Variants in PRIMPOL observed in about 807,000 individuals in gnomAD.
PRIMPOL encodes DNA-directed primase/polymerase protein.
A neutral mutation model predicts 63.6 loss-of-function variants in PRIMPOL; 54 were observed. That is an observed-to-expected ratio of 0.85 (90% CI 0.68 to 1.07). The LOEUF is 1.07. Among genes scored for constraint, PRIMPOL ranks in the 50% least tolerant of loss-of-function variants. The pLI is 0.00. For missense variants in PRIMPOL, 610 were observed against 648.3 expected (o/e 0.94, Z 0.64); for synonymous variants, 197 against 220.2 (o/e 0.89, Z 0.93).
chr4:184,665,087 G>A (rs1331282982), intron 5 of PRIMPOL, among the ~76,000 whole-genome samples: 1 of 152,200 alleles, frequency 6.6e-6, no homozygotes, highest in Non-Finnish European at 1.5e-5. Context: ...ATATTGCATG[G>A]TAGTTCTTAG....
chr4:184,671,283 C>T (rs1254325409), intron 6 of PRIMPOL, among the ~76,000 whole-genome samples: 3 of 152,108 alleles, frequency 2.0e-5, no homozygotes, highest in African/African-American at 4.8e-5. Flanking sequence ...TAGGGGCTGA[C>T]GGCTGTGAGA....
At chr4:184,668,437 A>G (rs1234290625) in intron 6 of PRIMPOL, among the ~76,000 whole-genome samples, 2 of 152,212 alleles carry the variant, frequency 1.3e-5, no homozygotes, top group Non-Finnish European at 2.9e-5. Flanking sequence ...CTTCAGGCAA[A>G]AGCATGGATG....
At chr4:184,685,807 C>A in intron 11 of PRIMPOL, 123 bp downstream of exon 11, 3 of 495,154 alleles carry the variant, frequency 6.1e-6, no homozygotes, top group Non-Finnish European at 9.9e-6. Context: ...TATTAAATTT[C>A]TTTTTTTTTT....
intron 8 of PRIMPOL, among the ~76,000 whole-genome samples, chr4:184,679,926 G>C (rs908728847): frequency 6.6e-6 from 1 of 152,094 alleles, no homozygotes; most frequent in Non-Finnish European, 1.5e-5. Context: ...CCAGGAAACC[G>C]GTTCCTGGTG....
chr4:184,674,868 GCTGA>G (rs1752865615), intron 7 of PRIMPOL, among the ~76,000 whole-genome samples: 1 of 152,192 alleles, frequency 6.6e-6, no homozygotes, highest in African/African-American at 2.4e-5. Context: ...GACAACAGCA[GCTGA>G]AACCTCAGTC....
In PRIMPOL at chr4:184,687,241, T is replaced by C. The variant is rs1328535170; in HGVS notation, c.1295+1557T>C. ...GTGTACTACCATGCCCGGTTAATTT[T>C]TGTAATTTTAGTAGAGACGGAGTTT... is the stretch of plus-strand genomic sequence containing the variant. On this transcript the variant is annotated intron_variant, in intron 11 of 13. Coordinates refer to ENST00000314970, the MANE Select transcript of PRIMPOL (RefSeq NM_152683.4). 3.9e-5 allele frequency among the ~76,000 whole-genome samples: 6 copies of C among 152,136 alleles called. No homozygotes were observed. In the East Asian group the frequency reaches 1.2e-3, roughly 29 times the overall value.
Position 184,657,108 on chromosome 4 carries a change from G to C in PRIMPOL, c.-33G>C, listed in dbSNP as rs1244716792. ...AGTAATTGATAGAAATATTACGTGGGATAGGATTTATTCTCTCCACACTTC... is the reference window on the plus strand; with the variant it reads ...AGTAATTGATAGAAATATTACGTGGCATAGGATTTATTCTCTCCACACTTC... On this transcript the variant is annotated 5_prime_UTR_variant, in exon 3 of 14. Coordinates refer to ENST00000314970, the MANE Select transcript of PRIMPOL (RefSeq NM_152683.4). 8.3e-6 allele frequency: 12 copies of C among 1,447,636 alleles called. No homozygotes were observed. The highest frequency in any genetic ancestry group is 1.0e-5 in the Non-Finnish European group (11 of 1,086,360). The allele number at this position is 1,447,636 out of a possible 1,614,324, so 89.7% of individuals were successfully genotyped here. A position where few individuals can be genotyped will look rare whatever the true frequency, so the allele number is the denominator to read the frequency against.
intron 11 of PRIMPOL, among the ~76,000 whole-genome samples, chr4:184,687,578 A>G (rs563437030): frequency 6.6e-6 from 1 of 152,138 alleles, no homozygotes; most frequent in African/African-American, 2.4e-5. Flanking sequence ...TCTCCCATAT[A>G]CGTTCATATC....
At chr4:184,651,991 T>C (rs1579244944) in intron 1 of PRIMPOL, 32 bp from the exon 2 acceptor site, 1 of 152,296 alleles carries the variant, frequency 6.6e-6, no homozygotes, top group East Asian at 1.9e-4. Flanking sequence ...AGGCAGTGTC[T>C]TCTGGCTGAA....
chr4:184,666,483 G>A (rs1560979655), intron 6 of PRIMPOL, among the ~76,000 whole-genome samples: 1 of 152,126 alleles, frequency 6.6e-6, no homozygotes, highest in Non-Finnish European at 1.5e-5. Context: ...ATGGCAATGT[G>A]TTTCTTCATG....
intron 11 of PRIMPOL, 55 bp from the exon 12 acceptor site, chr4:184,691,441 ATTT>A (rs2150171894): frequency 9.8e-7 from 1 of 1,016,942 alleles, no homozygotes; most frequent in East Asian, 2.4e-5. Context: ...ATGCAGCTGG[ATTT>A]TGTTTTCTAC....
At position 184,657,833 on chromosome 4, in the gene PRIMPOL, T is replaced by TA. The variant is rs1452216054; in HGVS notation, c.180+516dup. ...ACATGGAGAAACCCTGTCTCTACTA[T>TA]AAATACAAAATTAGCCGGGTGTGGT... On this transcript the variant is annotated intron_variant, in intron 3 of 13. Coordinates refer to ENST00000314970, the MANE Select transcript of PRIMPOL (RefSeq NM_152683.4). 5.9e-5 allele frequency among the ~76,000 whole-genome samples: 9 copies of TA among 151,622 alleles called. No individual in the cohort carries two copies. The East Asian group carries it at 1.6e-3, about 26-fold the overall frequency.
chr4:184,656,553 T>C (rs1471954970), intron 2 of PRIMPOL, among the ~76,000 whole-genome samples: 1 of 152,032 alleles, frequency 6.6e-6, no homozygotes, highest in African/African-American at 2.4e-5. Context: ...CAACTAAAAG[T>C]TGTGTTGAGA....
chr4:184,685,224 A>G (rs904843000), intron 9 of PRIMPOL, among the ~76,000 whole-genome samples, 185 bp from the exon 10 acceptor site: 5 of 152,214 alleles, frequency 3.3e-5, no homozygotes, highest in African/African-American at 4.8e-5. Context: ...CATTTGACCT[A>G]ATTGAGAGGT....
intron 4 of PRIMPOL, 54 bp from the exon 5 acceptor site, chr4:184,661,720 C>A: frequency 2.5e-6 from 3 of 1,215,338 alleles, no homozygotes; most frequent in African/African-American, 1.5e-5. Flanking sequence ...GTCAATCAAT[C>A]AATCAATAAA....
At chr4:184,679,405 A>T (rs576997315) in intron 8 of PRIMPOL, among the ~76,000 whole-genome samples, 1 of 152,180 alleles carries the variant, frequency 6.6e-6, no homozygotes, top group African/African-American at 2.4e-5. Flanking sequence ...GCAGTGAGCT[A>T]TGAATGCACC....
At chr4:184,664,578 G>A (rs567076988) in intron 5 of PRIMPOL, among the ~76,000 whole-genome samples, 1 of 152,310 alleles carries the variant, frequency 6.6e-6, no homozygotes, top group South Asian at 2.1e-4. Context: ...ATTCTAGTCA[G>A]TACAAATGGA....
intron 8 of PRIMPOL, among the ~76,000 whole-genome samples, chr4:184,679,015 G>A (rs1231814806): frequency 6.6e-6 from 1 of 151,864 alleles, no homozygotes; most frequent in Admixed American, 6.6e-5. Flanking sequence ...TATTGCATTT[G>A]GAAATATTTT....
At chr4:184,683,127 A>C (rs1160153599) in intron 9 of PRIMPOL, among the ~76,000 whole-genome samples, 3 of 151,898 alleles carry the variant, frequency 2.0e-5, no homozygotes, top group African/African-American at 7.3e-5. Flanking sequence ...TATGAGAAAG[A>C]TGTTTATTAA....
Sources: gnomAD v4.1 joint callset for allele counts (sites outside exome capture counted in the v4.1 genomes callset) on GRCh38, gnomAD v4.1.1 for gene constraint, MANE v1.5 for transcripts, NCBI Gene and HGNC (gene_info 2026-07-23, HGNC 2026-07-21) for gene names.